The following TCF4 variants were observed in gnomAD, a reference collection of about 807,000 sequenced individuals.
TCF4 encodes transcription factor 4, also known as SL3-3 enhancer factor 2.
TCF4 carries 3 observed loss-of-function variants against 82.1 expected under a neutral mutation model. The observed-to-expected ratio is 0.04, with a 90% CI of 0.02 to 0.09. TCF4 has a LOEUF of 0.09. Among genes scored for constraint, TCF4 ranks in the 10% least tolerant of loss-of-function variants. TCF4 has a pLI of 1.00. For missense variants in TCF4, 518 were observed against 852.7 expected, an observed-to-expected ratio of 0.61 and a Z score of 4.89; for synonymous variants, 276 against 309.6, an observed-to-expected ratio of 0.89 and a Z score of 1.14.
At chr18:55,254,760 C>T (rs1032099525) in intron 14 of TCF4, 60 bp from the exon 15 acceptor site, 6 of 1,502,738 alleles carry the variant, frequency 4.0e-6, no homozygotes, top group Non-Finnish European at 5.4e-6. Context: ...CTAAATTATA[C>T]AAGTAAAATT....
At chr18:55,507,989 T>C (rs2096782184) in intron 3 of TCF4, among the ~76,000 whole-genome samples, 1 of 152,112 alleles carries the variant, frequency 6.6e-6, no homozygotes, top group Admixed American at 6.5e-5. Flanking sequence ...ATGTGTTGCC[T>C]ATAAAGTCTC....
chr18:55,310,473 T>C (rs1397915381), intron 8 of TCF4, among the ~76,000 whole-genome samples: 1 of 152,182 alleles, frequency 6.6e-6, no homozygotes, highest in African/African-American at 2.4e-5. Context: ...GTCTAGAAGT[T>C]GGCAGATGTA....
intron 15 of TCF4, 43 bp downstream of exon 15, chr18:55,254,454 A>G (rs2056230609): frequency 6.3e-7 from 1 of 1,583,954 alleles, no homozygotes; most frequent in African/African-American, 1.3e-5. Flanking sequence ...TGAAATTCTA[A>G]CTCTATATGA....
At chr18:55,424,055 A>C (rs2094886491) in intron 5 of TCF4, among the ~76,000 whole-genome samples, 1 of 152,082 alleles carries the variant, frequency 6.6e-6, no homozygotes, top group African/African-American at 2.4e-5. Flanking sequence ...TACGCTCATT[A>C]ATTTTTAAGG....
rs1448713978 is a variant in TCF4 at position 55,350,258 on chromosome 18, T to C, written c.549+101A>G. The C allele has an allele frequency of 3.2e-6, 4 of 1,255,628 alleles. No homozygotes were observed. In the Admixed American group the frequency reaches 6.9e-5, roughly 22 times the overall value. 77.8% of individuals were successfully genotyped at this position (1,255,628 alleles called of 1,614,324 possible). A position where few individuals can be genotyped will look rare whatever the true frequency, so the allele number is the denominator to read the frequency against. On this transcript the variant is annotated intron_variant, in intron 8 of 19. Coordinates refer to ENST00000354452, the MANE Select transcript of TCF4 (RefSeq NM_001083962.2). ...TCATCCACCTTCTAGATAAACGTGC[T>C]GCTCTGGGCGCATGGAAACTCATTT... is the stretch of plus-strand genomic sequence containing the variant.
At chr18:55,510,471 CCAGT>C (rs1179706247) in intron 3 of TCF4, 4 of 816,310 alleles carry the variant, frequency 4.9e-6, no homozygotes, top group East Asian at 3.1e-5. Context: ...TGTAAAAACC[CCAGT>C]CAAATATGTC....
chr18:55,573,167 C>T (rs2097492074), intron 3 of TCF4, among the ~76,000 whole-genome samples: 1 of 152,004 alleles, frequency 6.6e-6, no homozygotes, highest in African/African-American at 2.4e-5. Flanking sequence ...TAAAAGAGCA[C>T]TTCTCTAGTT....
chr18:55,498,201 G>A (rs576944121), intron 3 of TCF4, among the ~76,000 whole-genome samples: 2 of 152,324 alleles, frequency 1.3e-5, no homozygotes, highest in South Asian at 4.1e-4. Flanking sequence ...CCCTGCCAGG[G>A]CTGGGTCCGG....
At chr18:55,446,527 C>G (rs984872753) in intron 5 of TCF4, among the ~76,000 whole-genome samples, 1 of 152,172 alleles carries the variant, frequency 6.6e-6, no homozygotes, top group Non-Finnish European at 1.5e-5. Flanking sequence ...CTGCCACTTA[C>G]CAGCTACACA....
intron 10 of TCF4, among the ~76,000 whole-genome samples, chr18:55,274,200 T>G (rs757357195): frequency 1.3e-5 from 2 of 152,184 alleles, no homozygotes; most frequent in Non-Finnish European, 2.9e-5. Flanking sequence ...ATAGTTGATA[T>G]AGTTGATATT....
chr18:55,338,588 A>T (rs2079143494), intron 8 of TCF4, among the ~76,000 whole-genome samples: 1 of 152,234 alleles, frequency 6.6e-6, no homozygotes, highest in Non-Finnish European at 1.5e-5. Flanking sequence ...GCTAGTAAGT[A>T]AACATCAGGT....
intron 6 of TCF4, among the ~76,000 whole-genome samples, chr18:55,383,537 T>G (rs1425433934): frequency 2.0e-5 from 3 of 152,202 alleles, no homozygotes; most frequent in African/African-American, 7.2e-5. Context: ...CAAATAGAGC[T>G]TCATTTGAAG....
At chr18:55,340,922 T>G (rs117972580) in intron 8 of TCF4, among the ~76,000 whole-genome samples, 1 of 152,110 alleles carries the variant, frequency 6.6e-6, no homozygotes, top group Non-Finnish European at 1.5e-5. Context: ...AAAAACCCAG[T>G]TGATCAGATT....
intron 6 of TCF4, among the ~76,000 whole-genome samples, chr18:55,359,397 C>T (rs1247539220): frequency 6.6e-6 from 1 of 152,158 alleles, no homozygotes; most frequent in Non-Finnish European, 1.5e-5. Context: ...ACATTTATAG[C>T]CTTGTATGGA....
chr18:55,510,654 C>T, intron 3 of TCF4: 1 of 1,500,832 alleles, frequency 6.7e-7, no homozygotes, highest in Non-Finnish European at 8.9e-7. Context: ...TTCTAAAATA[C>T]TACTTCGTAA....
intron 13 of TCF4, among the ~76,000 whole-genome samples, chr18:55,257,918 C>T (rs2057233994): frequency 6.6e-6 from 1 of 152,064 alleles, no homozygotes; most frequent in Non-Finnish European, 1.5e-5. Flanking sequence ...ACAGCAATGA[C>T]TAAAAGTTTC....
chr18:55,503,570 C>T (rs1440011085), intron 3 of TCF4, among the ~76,000 whole-genome samples: 4 of 152,168 alleles, frequency 2.6e-5, no homozygotes, highest in African/African-American at 7.2e-5. Context: ...CTTGTGTTAT[C>T]CACGAATAAG....
At chr18:55,485,170 T>G (rs2096496336) in intron 3 of TCF4, among the ~76,000 whole-genome samples, 1 of 152,206 alleles carries the variant, frequency 6.6e-6, no homozygotes, top group Non-Finnish European at 1.5e-5. Flanking sequence ...GGAATTTCCT[T>G]ATCATTCCTA....
intron 8 of TCF4, among the ~76,000 whole-genome samples, chr18:55,320,054 T>A (rs866551969): frequency 2.0e-5 from 3 of 152,200 alleles, no homozygotes; most frequent in Non-Finnish European, 2.9e-5. Context: ...TACGATGGCA[T>A]CATTCACAAA....
Sources: allele counts gnomAD v4.1 joint callset (sites outside exome capture counted in the v4.1 genomes callset), GRCh38; gene constraint gnomAD v4.1.1; transcripts MANE v1.5; gene names NCBI Gene and HGNC (gene_info 2026-07-23, HGNC 2026-07-21).